EEA1: variants seen among roughly 807,000 people sequenced by gnomAD.
The protein encoded by EEA1 is early endosome antigen 1, 162kD.
Under a neutral mutation model 209.2 loss-of-function variants are expected in EEA1, and 111 were observed. The ratio of observed to expected loss-of-function variants is 0.53; its 90% confidence interval spans 0.45 to 0.62. EEA1 has a LOEUF of 0.62. Among genes scored for constraint, EEA1 ranks in the 20% least tolerant of loss-of-function variants. The pLI is 0.00. For missense variants in EEA1, 1,343 were observed against 1,530.8 expected (o/e 0.88, Z 2.05); for synonymous variants, 536 against 540.6 (o/e 0.99, Z 0.12).
chr12:92,891,381 T>C (rs1879648611), intron 2 of EEA1, among the ~76,000 whole-genome samples: 1 of 152,204 alleles, frequency 6.6e-6, no homozygotes, highest in Admixed American at 6.5e-5. Flanking sequence ...TTTTAAAATC[T>C]TCAGTGAGAT....
In EEA1 at chr12:92,826,151, G is replaced by A. The variant is rs755764914; in HGVS notation, c.1524+15C>T. On this transcript the variant is annotated intron_variant, in intron 13 of 28. Transcript: ENST00000322349. ...AATTTGTGTTTACAAGGCTAATAAC[G>A]CAACTAATGTTTACCTGAGCTTCTC... 1.7e-5 allele frequency: 27 copies of A among 1,609,236 alleles called. No individual in the cohort carries two copies. The highest frequency in any genetic ancestry group is 5.0e-5 in the Admixed American group (3 of 59,768).
chr12:92,807,800 G>A (rs1875287475), intron 18 of EEA1, among the ~76,000 whole-genome samples: 1 of 152,084 alleles, frequency 6.6e-6, no homozygotes, highest in Non-Finnish European at 1.5e-5. Context: ...AGAGACATAT[G>A]TTTGTGTATT....
At chr12:92,812,400 T>C (rs1875563467) in intron 16 of EEA1, among the ~76,000 whole-genome samples, 1 of 151,914 alleles carries the variant, frequency 6.6e-6, no homozygotes, top group South Asian at 2.1e-4. Flanking sequence ...TTTCTACCAG[T>C]AAAAGCTAAG....
At chr12:92,920,381 T>C (rs970650591) in intron 1 of EEA1, among the ~76,000 whole-genome samples, 6 of 140,392 alleles carry the variant, frequency 4.3e-5, no homozygotes, top group African/African-American at 1.7e-4. Context: ...AACAGCATGG[T>C]ACTGGTACCA....
intron 2 of EEA1, chr12:92,883,769 C>G (rs933406064): frequency 8.6e-5 from 124 of 1,436,162 alleles, no homozygotes; most frequent in Admixed American, 6.9e-5. Flanking sequence ...CTTCTCCCTT[C>G]CGTCATGTCT....
In EEA1 at chr12:92,900,614, C is replaced by T. The variant is rs181507714; in HGVS notation, c.25-8893G>A. Among the ~76,000 whole-genome samples the T allele has an allele frequency of 4.4e-3, 668 of 150,464 alleles. 3 individuals are homozygous for T. Among genetic ancestry groups the T allele is most frequent in the Non-Finnish European group, 7.1e-3 (479 of 67,762 alleles). ...CATGGATGTGGCAAAAAGTAAATGGCGAAAATGTTTTAAAAGAGCATTTAA... is the reference window on the plus strand; with the variant it reads ...CATGGATGTGGCAAAAAGTAAATGGTGAAAATGTTTTAAAAGAGCATTTAA... On this transcript the variant is annotated intron_variant, in intron 1 of 28. Coordinates refer to ENST00000322349, the MANE Select transcript of EEA1 (RefSeq NM_003566.4).
intron 10 of EEA1, among the ~76,000 whole-genome samples, chr12:92,840,144 C>G (rs973997524): frequency 6.6e-5 from 10 of 152,056 alleles, no homozygotes; most frequent in Admixed American, 5.9e-4. Context: ...TTGACTTTTT[C>G]CTTATTATAT....
chr12:92,831,955 C>T (rs370367220), intron 11 of EEA1, among the ~76,000 whole-genome samples: 1 of 150,762 alleles, frequency 6.6e-6, no homozygotes, highest in Non-Finnish European at 1.5e-5. Context: ...GGCGCGGTGG[C>T]GGGCGCCTGT....
At chr12:92,909,012 C>T (rs953763837) in intron 1 of EEA1, among the ~76,000 whole-genome samples, 3 of 152,194 alleles carry the variant, frequency 2.0e-5, no homozygotes, top group African/African-American at 4.8e-5. Context: ...GGGGTTTCGC[C>T]GTGTTAGCCA....
At chr12:92,833,681 C>T (rs1876769064) in intron 10 of EEA1, among the ~76,000 whole-genome samples, 1 of 152,074 alleles carries the variant, frequency 6.6e-6, no homozygotes, top group African/African-American at 2.4e-5. Flanking sequence ...CTTTAGTGTA[C>T]AAACTTACAT....
intron 3 of EEA1, chr12:92,858,411 G>A (rs1282369585): frequency 2.5e-6 from 3 of 1,212,376 alleles, no homozygotes; most frequent in African/African-American, 3.0e-5. Flanking sequence ...GGTAGCCTTG[G>A]AGCAACAGTC....
intron 18 of EEA1, among the ~76,000 whole-genome samples, chr12:92,808,280 A>G: frequency 6.6e-6 from 1 of 152,160 alleles, no homozygotes; most frequent in South Asian, 2.1e-4. Context: ...ACAATGTCCT[A>G]TATGGTGCTG....
At chr12:92,822,667 AG>A (rs1157844082) in intron 13 of EEA1, among the ~76,000 whole-genome samples, 1 of 152,164 alleles carries the variant, frequency 6.6e-6, no homozygotes, top group Non-Finnish European at 1.5e-5. Flanking sequence ...GTTTCTCAGA[AG>A]TCTTATGTAA....
intron 2 of EEA1, among the ~76,000 whole-genome samples, chr12:92,875,124 A>T (rs1417739531): frequency 6.6e-6 from 1 of 152,172 alleles, no homozygotes; most frequent in Admixed American, 6.5e-5. Flanking sequence ...ACCCTCAAGA[A>T]GCTTACAGCC....
intron 22 of EEA1, among the ~76,000 whole-genome samples, chr12:92,785,406 A>G (rs1157016327): frequency 6.6e-6 from 1 of 152,202 alleles, no homozygotes; most frequent in Admixed American, 6.6e-5. Context: ...GTTAGGTATC[A>G]TGTTACAAGG....
intron 10 of EEA1, among the ~76,000 whole-genome samples, chr12:92,833,630 T>C (rs140050060): frequency 5.3e-5 from 8 of 152,240 alleles, no homozygotes; most frequent in Non-Finnish European, 8.8e-5. Flanking sequence ...CCAGCCAGGA[T>C]AAGAAGCTAC....
At position 92,801,880 on chromosome 12, in the gene EEA1, G is replaced by A. The variant is rs1405014404; in HGVS notation, c.2671-179C>T. 2.6e-5 allele frequency among the ~76,000 whole-genome samples: 4 copies of A among 151,932 alleles called. No homozygotes were observed. In the East Asian group the frequency reaches 7.7e-4, roughly 29 times the overall value. On this transcript the variant is annotated intron_variant, in intron 19 of 28. Transcript: ENST00000322349. ...GGAAAATATTACAGAAGTAATGGAG[G>A]AGGGACAACAAAACACTAAGGGTTT...
At position 92,809,270 on chromosome 12, in the gene EEA1, T is replaced by A. The variant is rs1026792741; in HGVS notation, c.2200-114A>T. Reference sequence around the variant, plus strand: ...AACAGGTGTGACATACAAAAAAAAATTTATTATAATAAAAAACATATTCTG... The same window carrying A: ...AACAGGTGTGACATACAAAAAAAAAATTATTATAATAAAAAACATATTCTG... On this transcript the variant is annotated intron_variant, in intron 17 of 28. Transcript: ENST00000322349. 1.4e-4 allele frequency: 89 copies of A among 619,174 alleles called. 1 individual carries two copies. The highest frequency in any genetic ancestry group is 2.4e-4 in the South Asian group (5 of 21,032). The allele number at this position is 619,174 out of a possible 1,614,324, so 38.4% of individuals were successfully genotyped here.
chr12:92,809,267 AAATTT>A (rs1875368403), intron 17 of EEA1, 111 bp from the exon 18 acceptor site: 5 of 737,448 alleles, frequency 6.8e-6, no homozygotes, highest in Admixed American at 4.0e-5. Context: ...ATACAAAAAA[AAATTT>A]ATTATAATAA....
Sources: allele counts gnomAD v4.1 joint callset (sites outside exome capture counted in the v4.1 genomes callset), GRCh38; gene constraint gnomAD v4.1.1; transcripts MANE v1.5; gene names NCBI Gene and HGNC (gene_info 2026-07-23, HGNC 2026-07-21).